PCDHGB1: variants seen among roughly 807,000 people sequenced by gnomAD.
PCDHGB1 encodes the protein protocadherin gamma-B1.
In PCDHGB1, 34 loss-of-function variants were observed where a neutral mutation model predicts 56.6. That is an observed-to-expected ratio of 0.60 (90% confidence interval 0.46 to 0.80). The LOEUF (loss-of-function observed/expected upper bound fraction) is 0.80, where lower values mean the gene tolerates loss of function less well. Among genes scored for constraint, PCDHGB1 ranks in the 30% least tolerant of loss-of-function variants. The pLI, the probability that PCDHGB1 is intolerant of heterozygous loss-of-function variation, is 0.00. For synonymous variants in PCDHGB1, 561 were observed against 505.9 expected (o/e 1.11, Z -1.46); for missense variants, 1,278 against 1,204.6 (o/e 1.06, Z -0.90).
At chr5:141,359,042 C>T (rs1351620188) in intron 1 of PCDHGB1, among the ~76,000 whole-genome samples, 1 of 152,190 alleles carries the variant, frequency 6.6e-6, no homozygotes, top group Admixed American at 6.5e-5. Flanking sequence ...TAGTGATAGA[C>T]TGTGGAATAT....
chr5:141,408,869 AG>A, intron 1 of PCDHGB1: 1 of 1,613,690 alleles, frequency 6.2e-7, no homozygotes, highest in Non-Finnish European at 8.5e-7. Context: ...CCCACCAAGA[AG>A]TGCCACCGCT....
At chr5:141,364,396 G>T in intron 1 of PCDHGB1, 3 of 1,604,434 alleles carry the variant, frequency 1.9e-6, no homozygotes, top group Non-Finnish European at 2.6e-6. Context: ...TCCTGGGGAC[G>T]CTGTGCGAGC....
At chr5:141,379,889 C>CTTTATTTTTTTTTTTTTTTTTTTTTTTT (rs1775940253) in intron 1 of PCDHGB1, among the ~76,000 whole-genome samples, 1 of 50,830 alleles carries the variant, frequency 2.0e-5, no homozygotes, top group Non-Finnish European at 3.9e-5. Flanking sequence ...GTGAAAGCCT[C>CTTTATTTTTTTTTTTTTTTTTTTTTTTT]TTTTTTTTTT....
Position 141,432,949 on chromosome 5 carries a change from C to T in PCDHGB1, c.2410-61858C>T. 1.2e-6 allele frequency: 2 copies of T among 1,614,184 alleles called. No homozygotes were observed. Among genetic ancestry groups the T allele is most frequent in the Non-Finnish European group, 1.7e-6 (2 of 1,180,040 alleles). On this transcript the variant is annotated intron_variant, in intron 1 of 3. Coordinates refer to ENST00000523390, the MANE Select transcript of PCDHGB1 (RefSeq NM_018922.3). This position sits in a 1 kb window ranked among gnomAD's most constrained non-coding sequence, Gnocchi z 6.0. Reference sequence around the variant, plus strand: ...CACGCCTGCTGCAGGCTTCAGGAGGCGGCTTGACAGGAGCGCCGGCGTCGC... The same window carrying T: ...CACGCCTGCTGCAGGCTTCAGGAGGTGGCTTGACAGGAGCGCCGGCGTCGC...
chr5:141,410,164 C>G (rs756470415), intron 1 of PCDHGB1: 8 of 1,613,642 alleles, frequency 5.0e-6, no homozygotes, highest in South Asian at 2.2e-5. Context: ...AGCCGCCACT[C>G]TCTGCCACCG....
rs189824439 is a variant in PCDHGB1 at position 141,393,729 on chromosome 5, A to G, written c.2409+41060A>G. ...TACTGGGGAAATATCAATAGCAAAA[A>G]GTCTAGATTATGAAGAATGTTCATT... On this transcript the variant is annotated intron_variant, in intron 1 of 3. Transcript: ENST00000523390. 7.2e-4 allele frequency: 1,163 copies of G among 1,613,856 alleles called. 2 individuals carry two copies. Among genetic ancestry groups the G allele is most frequent in the Non-Finnish European group, 7.9e-4 (934 of 1,179,868 alleles).
intron 1 of PCDHGB1, chr5:141,410,252 C>T (rs3749768): frequency 0.048 from 77,060 of 1,613,996 alleles, 2,017 homozygotes; most frequent in South Asian, 0.077. Flanking sequence ...ACTCTCTGAC[C>T]CCCAGGCTGA....
At chr5:141,399,532 C>G (rs552966531) in intron 1 of PCDHGB1, 28 of 1,614,066 alleles carry the variant, frequency 1.7e-5, no homozygotes, top group Non-Finnish European at 2.2e-5. Flanking sequence ...CTCCATCGCG[C>G]AAGTCTGCGC....
At chr5:141,353,818 C>T (rs958747733) in intron 1 of PCDHGB1, among the ~76,000 whole-genome samples, 8 of 152,152 alleles carry the variant, frequency 5.3e-5, no homozygotes, top group African/African-American at 1.9e-4. Context: ...CTCAATCATC[C>T]GCAGTTTGTG....
At chr5:141,404,384 G>C in intron 1 of PCDHGB1, 9 of 1,613,904 alleles carry the variant, frequency 5.6e-6, no homozygotes, top group African/African-American at 1.3e-5. Context: ...GATTGCCTAT[G>C]ACCCTGATAG....
chr5:141,422,987 A>AG, intron 1 of PCDHGB1: 1 of 1,614,168 alleles, frequency 6.2e-7, no homozygotes. Context: ...GAACCTGGCT[A>AG]CCTGGTGACC....
intron 1 of PCDHGB1, among the ~76,000 whole-genome samples, chr5:141,387,387 G>C (rs2090926240): frequency 6.6e-6 from 1 of 152,214 alleles, no homozygotes; most frequent in Non-Finnish European, 1.5e-5. Context: ...TATATAGATA[G>C]TGCATGTTTG....
chr5:141,374,250 C>T lies in PCDHGB1; in HGVS notation c.2409+21581C>T, dbSNP rs533179881. The T allele has an allele frequency of 2.5e-6, 4 of 1,613,890 alleles. No homozygotes were observed. The African/African-American group carries it at 5.3e-5, about 22-fold the overall frequency. ...ATCGTCAAGGATCTGGGACTGGAGC[C>T]CCAGGAGTTGGCGGAGCACGGAGTC... On this transcript the variant is annotated intron_variant, in intron 1 of 3. Transcript: ENST00000523390.
intron 1 of PCDHGB1, chr5:141,478,477 C>T: frequency 6.2e-7 from 1 of 1,613,796 alleles, no homozygotes; most frequent in Non-Finnish European, 8.5e-7. Flanking sequence ...GCCGCCAGAA[C>T]ACGCTGCGGA....
At chr5:141,377,761 T>C (rs917483532) in intron 1 of PCDHGB1, 27 of 152,190 alleles carry the variant, frequency 1.8e-4, no homozygotes, top group African/African-American at 5.8e-4. Context: ...GGACACCAGA[T>C]CTTTGGTGTT....
At chr5:141,360,929 C>G (rs1415518653) in intron 1 of PCDHGB1, 13 of 1,613,914 alleles carry the variant, frequency 8.1e-6, no homozygotes, top group East Asian at 6.7e-5. Flanking sequence ...CTTCAAGTGA[C>G]AGCCACCGAC....
chr5:141,426,085 C>T (rs1315114723), intron 1 of PCDHGB1, among the ~76,000 whole-genome samples: 7 of 152,148 alleles, frequency 4.6e-5, no homozygotes, highest in Non-Finnish European at 8.8e-5. Flanking sequence ...TCTACCAGGA[C>T]GATATTCTGT....
chr5:141,499,466 G>C (rs1337970911), intron 2 of PCDHGB1, among the ~76,000 whole-genome samples: 1 of 152,034 alleles, frequency 6.6e-6, no homozygotes, highest in African/African-American at 2.4e-5. Flanking sequence ...TTACAATCTA[G>C]GGAGAACCAC....
At chr5:141,369,768 A>T (rs548016343) in intron 1 of PCDHGB1, among the ~76,000 whole-genome samples, 1 of 152,252 alleles carries the variant, frequency 6.6e-6, no homozygotes, top group Non-Finnish European at 1.5e-5. Context: ...CGTGAAGCTG[A>T]TATTTCAAGC....
Sources: allele counts gnomAD v4.1 joint callset (sites outside exome capture counted in the v4.1 genomes callset), GRCh38; gene constraint gnomAD v4.1.1; non-coding constraint Gnocchi (gnomAD v3.1); transcripts MANE v1.5; gene names NCBI Gene and HGNC (gene_info 2026-07-23, HGNC 2026-07-21).